HBS1L: variants seen among roughly 807,000 people sequenced by gnomAD.
The protein encoded by HBS1L is HBS1 like translational GTPase, also known as HBS1-like protein.
A neutral mutation model predicts 88.9 loss-of-function variants in HBS1L; 55 were observed. That is an observed-to-expected ratio of 0.62 (90% confidence interval 0.50 to 0.77). The LOEUF is 0.77. Ranked by LOEUF, HBS1L falls within the 30% of genes least tolerant of loss-of-function variation. The pLI is 0.00. For missense variants in HBS1L, 741 were observed against 829.3 expected, an observed-to-expected ratio of 0.89 and a Z score of 1.31; for synonymous variants, 267 against 288.5, an observed-to-expected ratio of 0.93 and a Z score of 0.76.
At chr6:135,021,617 T>A (rs981262879) in intron 4 of HBS1L, among the ~76,000 whole-genome samples, 1 of 152,126 alleles carries the variant, frequency 6.6e-6, no homozygotes, top group Non-Finnish European at 1.5e-5. Context: ...TAAAGCTGGT[T>A]TCCTTGACAA....
chr6:135,026,388 GATAAAA>G (rs753288130), intron 4 of HBS1L, among the ~76,000 whole-genome samples: 28 of 152,068 alleles, frequency 1.8e-4, no homozygotes, highest in Non-Finnish European at 2.2e-4. Context: ...GTTATTACAT[GATAAAA>G]ATAAACTATA....
intron 5 of HBS1L, among the ~76,000 whole-genome samples, chr6:135,000,222 A>ATTTTTTTTTTTTTTTTC (rs33946758): frequency 7.7e-6 from 1 of 129,444 alleles, no homozygotes; most frequent in African/African-American, 3.5e-5. Flanking sequence ...TACCCAGCTA[A>ATTTTTTTTTTTTTTTTC]TTTTTTTTTT....
chr6:135,015,450 T>G (rs1372645526), intron 4 of HBS1L, among the ~76,000 whole-genome samples: 1 of 152,202 alleles, frequency 6.6e-6, no homozygotes, highest in Non-Finnish European at 1.5e-5. Context: ...TTCCACTCTC[T>G]GTCCTCTAAA....
chr6:135,000,247 G>C (rs183048446), intron 5 of HBS1L, among the ~76,000 whole-genome samples: 2 of 125,800 alleles, frequency 1.6e-5, no homozygotes, highest in African/African-American at 9.5e-5. Flanking sequence ...TGGTAGAGAT[G>C]GGGGAATCTC....
Position 135,037,576 on chromosome 6 carries a change from G to A in HBS1L, c.430+1997C>T, listed in dbSNP as rs908168522. 16 of 1,548,538 alleles carry A rather than the reference G, an allele frequency of 1.0e-5. No individual in the cohort carries two copies. In the Admixed American group the frequency reaches 2.0e-4, roughly 19 times the overall value. On this transcript the variant is annotated intron_variant, in intron 4 of 17. Coordinates refer to ENST00000367837, the MANE Select transcript of HBS1L (RefSeq NM_006620.4). The stretch of plus-strand genomic sequence containing the variant: ...ATTTTGAATATATAAAGAATTATTC[G>A]GTGTTGTGCCCTTTATGATTATGGT...
At chr6:135,027,722 TTTA>T (rs1776274162) in intron 4 of HBS1L, among the ~76,000 whole-genome samples, 1 of 152,144 alleles carries the variant, frequency 6.6e-6, no homozygotes, top group African/African-American at 2.4e-5. Context: ...TCCATGAGTG[TTTA>T]TTATATTATT....
intron 15 of HBS1L, among the ~76,000 whole-genome samples, chr6:134,978,237 A>C (rs892788014): frequency 6.6e-6 from 1 of 152,030 alleles, no homozygotes; most frequent in Non-Finnish European, 1.5e-5. Context: ...CCATATTTTT[A>C]AGTTTTCCAA....
chr6:134,986,743 C>A lies in HBS1L; in HGVS notation c.1298G>T (p.Gly433Val), dbSNP rs774721244. 1 of 1,551,476 alleles carries A rather than the reference C, an allele frequency of 6.4e-7. No homozygotes were observed. The highest frequency in any genetic ancestry group is 8.7e-7 in the Non-Finnish European group (1 of 1,145,410). ...GKLGHFLKQA[G>V]FKESDVGFIP... Reference sequence around the variant, plus strand: ...AATCTAAAATGATCTTACCTTAAAACCTGCTTGCTTAAGAAAGTGCCCAAG... The same window carrying A: ...AATCTAAAATGATCTTACCTTAAAAACTGCTTGCTTAAGAAAGTGCCCAAG... The change falls in exon 10 of 18, where the codon GGT becomes GTT. Residue 433 changes from glycine (G) to valine (V), a missense_variant. By Grantham distance (109) the Gly-to-Val change is moderately radical. Coordinates refer to ENST00000367837, the MANE Select transcript of HBS1L (RefSeq NM_006620.4).
chr6:135,000,503 GT>G (rs1775421096), intron 5 of HBS1L, among the ~76,000 whole-genome samples: 1 of 151,962 alleles, frequency 6.6e-6, no homozygotes, highest in Admixed American at 6.6e-5. Flanking sequence ...GATTTAAGAG[GT>G]TAAAAGAATA....
intron 5 of HBS1L, among the ~76,000 whole-genome samples, chr6:134,999,063 T>C (rs1479003114): frequency 6.6e-6 from 1 of 152,218 alleles, no homozygotes; most frequent in African/African-American, 2.4e-5. Context: ...TAGAAGAATT[T>C]TTAAAGCCCC....
In HBS1L at chr6:135,031,085, T is replaced by A. The variant is rs1311351333; in HGVS notation, c.430+8488A>T. 1.3e-5 allele frequency among the ~76,000 whole-genome samples: 2 copies of A among 152,140 alleles called. 1 individual carries two copies. Among genetic ancestry groups the A allele is most frequent in the Non-Finnish European group, 2.9e-5 (2 of 68,030 alleles). ...TTTGTTGGTAATTTTTAAAATGGCCTGTAAGTGTAGTGCTTAGTATTCTAA... is the reference window on the plus strand; with the variant it reads ...TTTGTTGGTAATTTTTAAAATGGCCAGTAAGTGTAGTGCTTAGTATTCTAA... On this transcript the variant is annotated intron_variant, in intron 4 of 17. Coordinates refer to ENST00000367837, the MANE Select transcript of HBS1L (RefSeq NM_006620.4).
intron 4 of HBS1L, among the ~76,000 whole-genome samples, chr6:135,023,081 GTTCT>G (rs1301270016): frequency 8.6e-5 from 13 of 151,832 alleles, no homozygotes; most frequent in Non-Finnish European, 1.6e-4. Flanking sequence ...GTTTATGGCT[GTTCT>G]TTATCTTTTT....
chr6:135,031,187 G>C (rs1020920063), intron 4 of HBS1L, among the ~76,000 whole-genome samples: 3 of 152,034 alleles, frequency 2.0e-5, no homozygotes, highest in Non-Finnish European at 4.4e-5. Context: ...TGGGCCATGA[G>C]TTCGGTGTTA....
At position 135,039,667 on chromosome 6, in the gene HBS1L, C is replaced by G. The variant is rs987832402; in HGVS notation, c.336G>C (p.Val112=). The change falls in exon 4 of 18, where the codon GTG becomes GTC. Residue 112 remains valine, a synonymous_variant. Transcript: ENST00000367837. The part of the protein sequence containing the change: ...IEAVLKNKFD[V]QKALSGVLEQ... ...CCAGAACCCCTGACAAAGCCTTCTG[C>G]ACATCAAACTTGTTCTTCAGAACTG... is the stretch of plus-strand genomic sequence containing the variant. The G allele has an allele frequency of 1.9e-5, 31 of 1,613,978 alleles. No homozygotes were observed. Among genetic ancestry groups the G allele is most frequent in the Non-Finnish European group, 2.5e-5 (29 of 1,179,976 alleles).
At position 134,996,762 on chromosome 6, in the gene HBS1L, A is replaced by G; in HGVS notation, c.965+15T>C. 3 of 1,560,636 alleles carry G rather than the reference A, an allele frequency of 1.9e-6. No individual in the cohort carries two copies. Among genetic ancestry groups the G allele is most frequent in the Non-Finnish European group, 2.6e-6 (3 of 1,158,080 alleles). On this transcript the variant is annotated intron_variant, in intron 7 of 17. Transcript: ENST00000367837. Reference sequence around the variant, plus strand: ...GTATGATTTCAAACTGAAAATTTTGAAATATAGTGACTACCTTTCCCTTTC... The same window carrying G: ...GTATGATTTCAAACTGAAAATTTTGGAATATAGTGACTACCTTTCCCTTTC...
At chr6:134,983,790 G>A (rs1774900059) in intron 12 of HBS1L, among the ~76,000 whole-genome samples, 1 of 152,130 alleles carries the variant, frequency 6.6e-6, no homozygotes, top group Non-Finnish European at 1.5e-5. Flanking sequence ...AGACTAAGAA[G>A]AGGACTGAGG....
At chr6:135,021,711 T>C (rs1776075927) in intron 4 of HBS1L, among the ~76,000 whole-genome samples, 4 of 152,138 alleles carry the variant, frequency 2.6e-5, no homozygotes, top group Admixed American at 2.6e-4. Flanking sequence ...AGAAAAGTAA[T>C]GTACAACAAT....
intron 4 of HBS1L, among the ~76,000 whole-genome samples, chr6:135,008,147 C>G (rs1412477522): frequency 6.6e-6 from 1 of 152,186 alleles, no homozygotes; most frequent in Non-Finnish European, 1.5e-5. Context: ...AACCCACCCA[C>G]CAAATCATGA....
At chr6:134,966,529 A>G in intron 16 of HBS1L, 56 bp from the exon 17 acceptor site, 2 of 1,164,472 alleles carry the variant, frequency 1.7e-6, no homozygotes, top group Non-Finnish European at 1.2e-6. Flanking sequence ...TAAATGTAAT[A>G]ATAACAACTT....
Sources: allele counts gnomAD v4.1 joint callset (sites outside exome capture counted in the v4.1 genomes callset), GRCh38; gene constraint gnomAD v4.1.1; transcripts MANE v1.5; gene names NCBI Gene and HGNC (gene_info 2026-07-23, HGNC 2026-07-21).